Variants in SMC5 observed in about 807,000 individuals in gnomAD.
The protein encoded by SMC5 is structural maintenance of chromosomes protein 5.
SMC5 carries 88 observed loss-of-function variants against 148.3 expected under a neutral mutation model. That is an observed-to-expected ratio of 0.59 (90% CI 0.50 to 0.71). SMC5 has a LOEUF of 0.71. SMC5 is among the 30% of genes least tolerant of loss of function. The pLI is 0.00. For missense variants in SMC5, 1,142 were observed against 1,298.9 expected (o/e 0.88, Z 1.86); for synonymous variants, 421 against 432.8 (o/e 0.97, Z 0.34).
At chr9:70,282,018 C>G (rs1476959438) in intron 6 of SMC5, among the ~76,000 whole-genome samples, 1 of 148,924 alleles carries the variant, frequency 6.7e-6, no homozygotes, top group African/African-American at 2.5e-5. Flanking sequence ...TTTTATTTTT[C>G]TTTTGACCCA....
chr9:70,339,076 G>A (rs1473230752), intron 17 of SMC5, among the ~76,000 whole-genome samples: 1 of 152,034 alleles, frequency 6.6e-6, no homozygotes, highest in Non-Finnish European at 1.5e-5. Flanking sequence ...ATTTCTTGTT[G>A]TGCATACTTA....
At chr9:70,296,301 G>C (rs568697275) in intron 8 of SMC5, among the ~76,000 whole-genome samples, 3 of 152,138 alleles carry the variant, frequency 2.0e-5, no homozygotes, top group Non-Finnish European at 4.4e-5. Context: ...GCAGATATAA[G>C]TAGGCATTAA....
intron 17 of SMC5, among the ~76,000 whole-genome samples, chr9:70,330,227 T>G (rs1258604750): frequency 1.3e-5 from 2 of 152,206 alleles, no homozygotes; most frequent in Non-Finnish European, 2.9e-5. Context: ...GATAAATTTT[T>G]TTGTGCTTTT....
At chr9:70,290,491 A>G (rs965166482) in intron 8 of SMC5, among the ~76,000 whole-genome samples, 3 of 152,316 alleles carry the variant, frequency 2.0e-5, no homozygotes, top group Middle Eastern at 3.4e-3. Flanking sequence ...TTATACCGCA[A>G]TAGTTCTTTT....
chr9:70,292,888 T>C (rs1359034517), intron 8 of SMC5, among the ~76,000 whole-genome samples: 1 of 152,148 alleles, frequency 6.6e-6, no homozygotes, highest in Non-Finnish European at 1.5e-5. Flanking sequence ...TAATTCTTTT[T>C]ACATATTGCT....
chr9:70,293,120 G>A (rs1279644921), intron 8 of SMC5, among the ~76,000 whole-genome samples: 1 of 152,124 alleles, frequency 6.6e-6, no homozygotes, highest in African/African-American at 2.4e-5. Flanking sequence ...CTCTCTGGTT[G>A]TAGAGATTTC....
chr9:70,348,173 G>C, intron 22 of SMC5, 135 bp downstream of exon 22: 1 of 867,020 alleles, frequency 1.2e-6, no homozygotes, highest in South Asian at 2.4e-5. Context: ...TGAAAGAAAG[G>C]AGAAAACCAC....
chr9:70,317,464 A>G (rs2035832301), intron 13 of SMC5, among the ~76,000 whole-genome samples: 1 of 152,162 alleles, frequency 6.6e-6, no homozygotes, highest in South Asian at 2.1e-4. Flanking sequence ...AAACTTGGGT[A>G]GGCTAAAGTC....
intron 7 of SMC5, among the ~76,000 whole-genome samples, chr9:70,284,343 A>G (rs146270551): frequency 6.6e-6 from 1 of 152,316 alleles, no homozygotes; most frequent in East Asian, 1.9e-4. Context: ...AAGGAATTGT[A>G]GATATTATCT....
At chr9:70,304,289 G>C (rs2035440578) in intron 10 of SMC5, among the ~76,000 whole-genome samples, 1 of 151,456 alleles carries the variant, frequency 6.6e-6, no homozygotes, top group Non-Finnish European at 1.5e-5. Context: ...TTGTTTCCTG[G>C]GCTGGTCTCA....
At position 70,259,072 on chromosome 9, in the gene SMC5, A is replaced by G; in HGVS notation, c.-7A>G. Reference sequence around the variant, plus strand: ...GGAAGTCGCTGTGGGACGCTGAGGAAGCCAGGATGGCGACTCCGAGCAAGA... The same window carrying G: ...GGAAGTCGCTGTGGGACGCTGAGGAGGCCAGGATGGCGACTCCGAGCAAGA... On this transcript the variant is annotated 5_prime_UTR_variant, in exon 1 of 25. Coordinates refer to ENST00000361138, the MANE Select transcript of SMC5 (RefSeq NM_015110.4). 6.2e-7 allele frequency: 1 copy of G among 1,600,622 alleles called. No homozygotes were observed. The highest frequency in any genetic ancestry group is 1.1e-5 in the South Asian group (1 of 89,368).
intron 9 of SMC5, 124 bp from the exon 10 acceptor site, chr9:70,299,922 G>GAGTT (rs781330089): frequency 2.8e-6 from 2 of 709,076 alleles, no homozygotes; most frequent in Non-Finnish European, 4.2e-6. Flanking sequence ...TCCACTATGG[G>GAGTT]AGTTACTTGC....
chr9:70,283,611 A>G (rs375896031), intron 7 of SMC5, among the ~76,000 whole-genome samples: 1 of 152,226 alleles, frequency 6.6e-6, no homozygotes, highest in African/African-American at 2.4e-5. Context: ...ATGAAACCAG[A>G]AAACCATTCA....
intron 5 of SMC5, among the ~76,000 whole-genome samples, chr9:70,280,043 G>A (rs1407469121): frequency 6.6e-6 from 1 of 152,028 alleles, no homozygotes; most frequent in Non-Finnish European, 1.5e-5. Context: ...TTGTCCACCA[G>A]ACAGGGAAAA....
In SMC5 at chr9:70,354,082, TTTCTC is replaced by T. The variant is rs1176180441; in HGVS notation, c.*1753_*1757del. 4 of 152,270 alleles carry T rather than the reference TTTCTC, an allele frequency of 2.6e-5. No individual in the cohort carries two copies. The highest frequency in any genetic ancestry group is 9.6e-5 in the African/African-American group (4 of 41,468). 9.4% of individuals were successfully genotyped at this position (152,270 alleles called of 1,614,324 possible). On this transcript the variant is annotated 3_prime_UTR_variant, in exon 25 of 25. Transcript: ENST00000361138. ...CCATACTTTGTTTGTAAACATTTAA[TTTCTC>T]TACTGGACAAAATTAATATTTGGCT...
At chr9:70,288,761 T>A (rs2034975964) in intron 8 of SMC5, among the ~76,000 whole-genome samples, 2 of 152,280 alleles carry the variant, frequency 1.3e-5, no homozygotes, top group South Asian at 4.1e-4. Flanking sequence ...TTTAGGCTTT[T>A]GAAAAATGTC....
At chr9:70,263,777 G>A (rs1459539877) in intron 1 of SMC5, among the ~76,000 whole-genome samples, 2 of 152,170 alleles carry the variant, frequency 1.3e-5, no homozygotes, top group African/African-American at 4.8e-5. Flanking sequence ...ATACCATGGT[G>A]CCTGGCTTGG....
At chr9:70,292,677 T>G (rs1200655093) in intron 8 of SMC5, among the ~76,000 whole-genome samples, 2 of 152,176 alleles carry the variant, frequency 1.3e-5, no homozygotes, top group African/African-American at 4.8e-5. Flanking sequence ...CAGGAAATTC[T>G]TATATGTATT....
rs2036016587 is a variant in SMC5, at chr9:70,324,114, G to A, written c.2368G>A (p.Ala790Thr). 6.3e-7 allele frequency: 1 copy of A among 1,597,114 alleles called. No homozygotes were observed. The highest frequency in any genetic ancestry group is 1.9e-5 in the Admixed American group (1 of 53,926). Residue 790 changes from alanine to threonine, a missense_variant, in exon 17 of 25, where the codon GCC becomes ACC. Ala to Thr is a moderately conservative substitution (Grantham distance 58). Coordinates refer to ENST00000361138, the MANE Select transcript of SMC5 (RefSeq NM_015110.4). ...GAACAAATTAGAATCAGATTATATGGCCGCATCTTCACAACTCCGTCTTAC... is the reference window on the plus strand; with the variant it reads ...GAACAAATTAGAATCAGATTATATGACCGCATCTTCACAACTCCGTCTTAC... ...EKNKLESDYM[A>T]ASSQLRLTEQ...
Sources: gnomAD v4.1 joint callset for allele counts (sites outside exome capture counted in the v4.1 genomes callset) on GRCh38, gnomAD v4.1.1 for gene constraint, MANE v1.5 for transcripts, NCBI Gene and HGNC (gene_info 2026-07-23, HGNC 2026-07-21) for gene names.